The following ASNSD1 variants were observed in gnomAD, a reference collection of about 807,000 sequenced individuals.
ASNSD1 encodes the protein asparagine synthetase domain containing 1.
In ASNSD1, 36 loss-of-function variants were observed where a neutral mutation model predicts 48.3. That is an observed-to-expected ratio of 0.75 (90% CI 0.57 to 0.99). The LOEUF (loss-of-function observed/expected upper bound fraction) is 0.99. Ranked by LOEUF, ASNSD1 falls within the 50% of genes least tolerant of loss-of-function variation. The pLI, the probability that ASNSD1 is intolerant of heterozygous loss-of-function variation, is 0.00. For missense variants in ASNSD1, 714 were observed against 758.2 expected (o/e 0.94, Z 0.69); for synonymous variants, 257 against 262.1 (o/e 0.98, Z 0.19).
In ASNSD1 at chr2:189,666,298, T is replaced by G; in HGVS notation, c.166T>G (p.Leu56Val). 1 of 1,614,048 alleles carries G rather than the reference T, an allele frequency of 6.2e-7. No individual in the cohort carries two copies. The highest frequency in any genetic ancestry group is 8.5e-7 in the Non-Finnish European group (1 of 1,179,962). The change falls in exon 4 of 6, where the codon TTG (leucine) becomes GTG (valine). Residue 56 changes from leucine to valine, a missense_variant. By Grantham distance (32) the Leu-to-Val change is conservative. Transcript: ENST00000260952. ...TTTATTTTCTGCTCACGTCCTACAC[T>G]TGAGGGGTGTTTTGACTACCCAGCC... is the stretch of plus-strand genomic sequence containing the variant. ...QCLFSAHVLHLRGVLTTQPVE... is the reference protein window; with the variant it reads ...QCLFSAHVLHVRGVLTTQPVE...
At position 189,663,910 on chromosome 2, in the gene ASNSD1, C is replaced by G. The variant is rs1173814471; in HGVS notation, c.-213C>G. 59 of 387,744 alleles carry G rather than the reference C, an allele frequency of 1.5e-4. No homozygotes were observed. The Admixed American group carries it at 2.6e-3, about 17-fold the overall frequency. The allele number at this position is 387,744 out of a possible 1,614,324, so 24.0% of individuals were successfully genotyped here. On this transcript the variant is annotated 5_prime_UTR_variant, in exon 2 of 6. Coordinates refer to ENST00000260952, the MANE Select transcript of ASNSD1 (RefSeq NM_019048.4). ...TTCTTTATTTCAATAGATTAAAGAA[C>G]AAAAAATTGTGGTGGATGAACTTTC...
chr2:189,666,858 T>G lies in ASNSD1; in HGVS notation c.726T>G (p.Val242=). 6.2e-7 allele frequency: 1 copy of G among 1,614,100 alleles called. No homozygotes were observed. Among genetic ancestry groups the G allele is most frequent in the Non-Finnish European group, 8.5e-7 (1 of 1,180,016 alleles). ...AACTGTATCTTGAAAAACCTGTTGTTCCTTTAAATATGATGTTGCCACAAG... is the reference window on the plus strand; with the variant it reads ...AACTGTATCTTGAAAAACCTGTTGTGCCTTTAAATATGATGTTGCCACAAG... The part of the protein sequence containing the change: ...EAKLYLEKPV[V]PLNMMLPQAA... The change falls in exon 4 of 6, where the codon GTT becomes GTG. Residue 242 remains valine, a synonymous_variant. Transcript: ENST00000260952.
rs1263777309 is a variant in ASNSD1, at chr2:189,666,234, T to G, written c.102T>G (p.Ser34Arg). 1 of 1,614,114 alleles carries G rather than the reference T, an allele frequency of 6.2e-7. No individual in the cohort carries two copies. The highest frequency in any genetic ancestry group is 1.7e-5 in the Admixed American group (1 of 60,010). ...ATCTTAAACAGCGGGGACCCAATAG[T>G]AGTAAACAATTGTTAAAGTCTGATG... ...LYNLKQRGPN[S>R]SKQLLKSDVN... The change falls in exon 4 of 6, where the codon AGT (serine) becomes AGG (arginine). Residue 34 changes from serine to arginine, a missense_variant. Transcript: ENST00000260952.
rs777595485 is a variant in ASNSD1, at chr2:189,666,385, G to A, written c.253G>A (p.Val85Ile). 6.2e-7 allele frequency: 1 copy of A among 1,613,910 alleles called. No homozygotes were observed. Among genetic ancestry groups the A allele is most frequent in the African/African-American group, 1.3e-5 (1 of 74,922 alleles). Residue 85 changes from valine (V) to isoleucine (I), a missense_variant, in exon 4 of 6, where the codon GTT (valine) becomes ATT (isoleucine). By Grantham distance (29) the Val-to-Ile change is conservative (BLOSUM62 3). Transcript: ENST00000260952. ...WNGEIFSGIK[V>I]EAEENDTQIL... ...TGGAGAAATTTTTAGTGGAATAAAG[G>A]TTGAAGCTGAAGAGAATGACACTCA...
Position 189,667,914 on chromosome 2 carries a change from A to C in ASNSD1, c.1615A>C (p.Arg539=), listed in dbSNP as rs1251368583. The change falls in exon 5 of 6, where the codon AGA becomes CGA. Residue 539 remains arginine (R), a synonymous_variant. Transcript: ENST00000260952. ...ISSRNLGRDD[R]VIGDHGKEAR... ...TTCTAGAAATCTTGGTCGTGATGAC[A>C]GAGTTATTGGTGATCATGGAAAAGA... The C allele has an allele frequency of 1.2e-6, 2 of 1,613,160 alleles. No individual in the cohort carries two copies. The highest frequency in any genetic ancestry group is 4.5e-5 in the East Asian group (2 of 44,884).
chr2:189,662,190 T>C (rs1205875636), intron 1 of ASNSD1, among the ~76,000 whole-genome samples: 1 of 152,212 alleles, frequency 6.6e-6, no homozygotes. Context: ...AAAACACGCA[T>C]TGGGTTGTCA....
chr2:189,670,547 C>T lies in ASNSD1; in HGVS notation c.1753C>T (p.Arg585Cys), dbSNP rs200381628. ...PRGIGEKLLLRLAAVELGLTA... is the reference protein window; with the variant it reads ...PRGIGEKLLLCLAAVELGLTA... ...AGGAATTGGTGAAAAATTACTTTTA[C>T]GCCTTGCAGCTGTGGAACTTGGTCT... The change falls in exon 6 of 6, where the codon CGC becomes TGC. Residue 585 changes from arginine (R) to cysteine (C), a missense_variant. By Grantham distance (180) the Arg-to-Cys change is radical (BLOSUM62 -3). Transcript: ENST00000260952. 2.0e-5 allele frequency: 32 copies of T among 1,613,978 alleles called. No individual in the cohort carries two copies. The highest frequency in any genetic ancestry group is 8.3e-5 in the Admixed American group (5 of 59,998).
At position 189,662,555 on chromosome 2, in the gene ASNSD1, C is replaced by G. The variant is rs112714829; in HGVS notation, c.-223+945C>G. Among the ~76,000 whole-genome samples the G allele has an allele frequency of 9.1e-3, 1,384 of 152,210 alleles. 22 individuals carry two copies. The highest frequency in any genetic ancestry group is 0.032 in the African/African-American group (1,323 of 41,496). On this transcript the variant is annotated intron_variant, in intron 1 of 5. Coordinates refer to ENST00000260952, the MANE Select transcript of ASNSD1 (RefSeq NM_019048.4). ...CGGGGGAGACAGAAAGGTGCACATT[C>G]ATGGGGATTGGGGGTGAATTTTCAA...
rs747054433 is a variant in ASNSD1, at chr2:189,666,406, A to T, written c.274A>T (p.Thr92Ser). 2 of 1,613,880 alleles carry T rather than the reference A, an allele frequency of 1.2e-6. No homozygotes were observed. The highest frequency in any genetic ancestry group is 1.7e-6 in the Non-Finnish European group (2 of 1,179,998). ...AAAGGTTGAAGCTGAAGAGAATGACACTCAAATTTTGTTTAATTATCTTTC... is the reference window on the plus strand; with the variant it reads ...AAAGGTTGAAGCTGAAGAGAATGACTCTCAAATTTTGTTTAATTATCTTTC... ...GIKVEAEEND[T>S]QILFNYLSSC... Residue 92 changes from threonine to serine, a missense_variant, in exon 4 of 6, where the codon ACT (threonine) becomes TCT (serine). Physicochemically the swap from Thr to Ser is moderately conservative, Grantham distance 58. Coordinates refer to ENST00000260952, the MANE Select transcript of ASNSD1 (RefSeq NM_019048.4).
In ASNSD1 at chr2:189,665,359, T is replaced by C. The variant is rs1006886838; in HGVS notation, c.-168-17T>C. 1.0e-5 allele frequency: 4 copies of C among 396,304 alleles called. No individual in the cohort carries two copies. Among genetic ancestry groups the C allele is most frequent in the African/African-American group, 8.2e-5 (4 of 48,536 alleles). The allele number at this position is 396,304 out of a possible 1,614,324, so 24.5% of individuals were successfully genotyped here. On this transcript the variant is annotated splice_polypyrimidine_tract_variant and intron_variant, in intron 2 of 5. Coordinates refer to ENST00000260952, the MANE Select transcript of ASNSD1 (RefSeq NM_019048.4). ...TTTAGATCAAAATTTGATATTAGCC[T>C]AAATTATGTTTTCCAGAAAGTATAT...
At chr2:189,664,240 C>T (rs182061106) in intron 2 of ASNSD1, among the ~76,000 whole-genome samples, 23 of 152,062 alleles carry the variant, frequency 1.5e-4, no homozygotes, top group Middle Eastern at 6.8e-3. Flanking sequence ...ATGTTTTATA[C>T]CTGAATTTGA....
At chr2:189,665,606 A>ATATATATATACATATATATATATG (rs2032774696) in intron 3 of ASNSD1, among the ~76,000 whole-genome samples, 155 bp downstream of exon 3, 4 of 9,064 alleles carry the variant, frequency 4.4e-4, no homozygotes, top group African/African-American at 8.2e-4. Context: ...GTGTATATAT[A>ATATATATATACATATATATATATG]TATATATATA....
At chr2:189,661,947 A>T (rs1182925214) in intron 1 of ASNSD1, among the ~76,000 whole-genome samples, 3 of 152,154 alleles carry the variant, frequency 2.0e-5, no homozygotes, top group Non-Finnish European at 4.4e-5. Flanking sequence ...CCATCCAGTT[A>T]ACCATGCCAG....
chr2:189,670,191 A>C (rs2032897018), intron 5 of ASNSD1, among the ~76,000 whole-genome samples: 3 of 87,396 alleles, frequency 3.4e-5, no homozygotes, highest in Admixed American at 1.1e-4. Context: ...TCACCTAGGC[A>C]AAAAAAAAAA....
At chr2:189,668,662 A>G (rs897187598) in intron 5 of ASNSD1, among the ~76,000 whole-genome samples, 7 of 152,248 alleles carry the variant, frequency 4.6e-5, no homozygotes, top group Non-Finnish European at 8.8e-5. Flanking sequence ...CTTTGTCTCT[A>G]TAGACATTTC....
intron 3 of ASNSD1, among the ~76,000 whole-genome samples, 193 bp downstream of exon 3, chr2:189,665,644 A>ATATATATATATATATG (rs1455945789): frequency 4.8e-5 from 6 of 123,748 alleles, no homozygotes; most frequent in East Asian, 4.8e-4. Context: ...ATATATATAT[A>ATATATATATATATATG]TATTATAAAT....
Position 189,666,995 on chromosome 2 carries a change from A to G in ASNSD1, c.863A>G (p.Asp288Gly). ...AAGGAAGTAATTCAGCAGTTCATTGATGTCCTGAGTGTAGCAGTCAAGAAA... is the reference window on the plus strand; with the variant it reads ...AAGGAAGTAATTCAGCAGTTCATTGGTGTCCTGAGTGTAGCAGTCAAGAAA... The part of the protein sequence containing the change: ...HMKEVIQQFI[D>G]VLSVAVKKRV... The change falls in exon 4 of 6, where the codon GAT becomes GGT. Residue 288 changes from aspartate to glycine, a missense_variant. Asp to Gly is a moderately conservative substitution (Grantham distance 94). Coordinates refer to ENST00000260952, the MANE Select transcript of ASNSD1 (RefSeq NM_019048.4). The G allele has an allele frequency of 6.2e-7, 1 of 1,614,184 alleles. No homozygotes were observed. The highest frequency in any genetic ancestry group is 8.5e-7 in the Non-Finnish European group (1 of 1,180,028).
chr2:189,661,637 T>C (rs1260892171), intron 1 of ASNSD1, 27 bp downstream of exon 1: 4 of 399,276 alleles, frequency 1.0e-5, no homozygotes, highest in Non-Finnish European at 1.8e-5. Context: ...ACGAAAAGGC[T>C]CCTGGACTCG....
intron 1 of ASNSD1, among the ~76,000 whole-genome samples, chr2:189,661,930 A>G (rs186177211): frequency 1.4e-4 from 21 of 152,198 alleles, no homozygotes; most frequent in Admixed American, 3.3e-4. Context: ...TCCATCAAAG[A>G]TATTCTCCAT....
Sources: gnomAD v4.1 joint callset for allele counts (sites outside exome capture counted in the v4.1 genomes callset) on GRCh38, gnomAD v4.1.1 for gene constraint, MANE v1.5 for transcripts, NCBI Gene and HGNC (gene_info 2026-07-23, HGNC 2026-07-21) for gene names.